The following MATCAP2 variants were observed in gnomAD, a reference collection of about 807,000 sequenced individuals.
MATCAP2 encodes microtubule associated tyrosine carboxypeptidase 2.
the MATCAP2 span, among the ~76,000 whole-genome samples, chr7:36,353,084 C>T: frequency 6.6e-6 from 1 of 152,036 alleles, no homozygotes; most frequent in Non-Finnish European, 1.5e-5. Context: ...GCCAAGACAG[C>T]ATAGTGAGAC....
chr7:36,347,185 T>C, the MATCAP2 span, among the ~76,000 whole-genome samples: 1 of 152,174 alleles, frequency 6.6e-6, no homozygotes, highest in Non-Finnish European at 1.5e-5. Flanking sequence ...TCGAATAGCA[T>C]AATTTAACAT....
At chr7:36,340,265 G>C in the MATCAP2 span, among the ~76,000 whole-genome samples, 37 of 152,232 alleles carry the variant, frequency 2.4e-4, no homozygotes, top group South Asian at 7.3e-3. Context: ...GTGGTTATCT[G>C]GTTATTTCTT....
At chr7:36,347,720 T>G in the MATCAP2 span, among the ~76,000 whole-genome samples, 1 of 152,230 alleles carries the variant, frequency 6.6e-6, no homozygotes, top group East Asian at 1.9e-4. Context: ...AATTTCAGAA[T>G]TTAAGGTAAT....
At chr7:36,333,097 G>A in the MATCAP2 span, among the ~76,000 whole-genome samples, 61,673 of 152,008 alleles carry the variant, frequency 0.41, 12,980 homozygotes, top group African/African-American at 0.49. Flanking sequence ...AGACTTAAAC[G>A]TTCCTGCCTG....
At chr7:36,368,803 A>G in the MATCAP2 span, among the ~76,000 whole-genome samples, 16 of 151,902 alleles carry the variant, frequency 1.1e-4, no homozygotes, top group Non-Finnish European at 1.8e-4. Context: ...TCCAGGCACT[A>G]TTTCACCTCA....
chr7:36,341,206 G>A, the MATCAP2 span, among the ~76,000 whole-genome samples: 1 of 152,050 alleles, frequency 6.6e-6, no homozygotes, highest in South Asian at 2.1e-4. Flanking sequence ...CCTGCACATG[G>A]GTAACACTTT....
At chr7:36,374,751 A>AT in the MATCAP2 span, among the ~76,000 whole-genome samples, 1 of 151,996 alleles carries the variant, frequency 6.6e-6, no homozygotes, top group African/African-American at 2.4e-5. Context: ...ACGTGTTCTC[A>AT]TTGTTCAATT....
At chr7:36,334,192 A>C in the MATCAP2 span, 2 of 1,516,906 alleles carry the variant, frequency 1.3e-6, no homozygotes, top group Non-Finnish European at 1.8e-6. Context: ...ATGAAGAAAA[A>C]GAAATGCCAT....
At chr7:36,378,754 C>T in the MATCAP2 span, among the ~76,000 whole-genome samples, 1 of 152,204 alleles carries the variant, frequency 6.6e-6, no homozygotes, top group Non-Finnish European at 1.5e-5. Context: ...GTGGGCTCCA[C>T]CCAGTTCGAG....
the MATCAP2 span, chr7:36,356,961 G>A: frequency 6.2e-7 from 1 of 1,614,206 alleles, no homozygotes; most frequent in Non-Finnish European, 8.5e-7. Context: ...GGCAGAGCAG[G>A]ATTGGCATAC....
chr7:36,374,028 TC>T, the MATCAP2 span, among the ~76,000 whole-genome samples: 2 of 152,116 alleles, frequency 1.3e-5, no homozygotes, highest in African/African-American at 4.8e-5. Context: ...TGCCTCAGCC[TC>T]CCAAAGTACT....
the MATCAP2 span, among the ~76,000 whole-genome samples, chr7:36,367,648 A>G: frequency 1.3e-5 from 2 of 152,216 alleles, no homozygotes; most frequent in Non-Finnish European, 2.9e-5. Context: ...ACCTCAGCAT[A>G]CTATCCTTAA....
the MATCAP2 span, among the ~76,000 whole-genome samples, chr7:36,375,521 G>A: frequency 3.3e-5 from 5 of 152,166 alleles, no homozygotes; most frequent in African/African-American, 1.2e-4. Flanking sequence ...TCGCATCAAT[G>A]TCGTCAGGGA....
the MATCAP2 span, chr7:36,389,663 A>C: frequency 4.5e-6 from 1 of 221,146 alleles, no homozygotes. Context: ...GAGAGCAGGA[A>C]GCGCCCCGCT....
At chr7:36,387,431 A>AT in the MATCAP2 span, among the ~76,000 whole-genome samples, 1 of 152,094 alleles carries the variant, frequency 6.6e-6, no homozygotes, top group African/African-American at 2.4e-5. Flanking sequence ...TTGTTTTCAA[A>AT]TTTTTTTATT....
chr7:36,355,008 G>C, the MATCAP2 span, among the ~76,000 whole-genome samples: 1 of 152,110 alleles, frequency 6.6e-6, no homozygotes, highest in African/African-American at 2.4e-5. Flanking sequence ...GTAGGGGTGG[G>C]GTAGGTCTCC....
At chr7:36,373,727 G>T in the MATCAP2 span, among the ~76,000 whole-genome samples, 2 of 152,094 alleles carry the variant, frequency 1.3e-5, no homozygotes, top group African/African-American at 2.4e-5. Flanking sequence ...TTACAGGAGT[G>T]AGCTACCACA....
the MATCAP2 span, among the ~76,000 whole-genome samples, chr7:36,327,290 C>T: frequency 6.6e-6 from 1 of 152,120 alleles, no homozygotes; most frequent in African/African-American, 2.4e-5. Flanking sequence ...AGGCGCCCGC[C>T]ACCACACCTG....
At chr7:36,358,997 C>A in the MATCAP2 span, among the ~76,000 whole-genome samples, 1 of 152,160 alleles carries the variant, frequency 6.6e-6, no homozygotes, top group Non-Finnish European at 1.5e-5. Context: ...CTGAACAAGA[C>A]TCCAGCTCAA....
Sources: gnomAD v4.1 joint callset for allele counts (sites outside exome capture counted in the v4.1 genomes callset) on GRCh38, gnomAD v4.1.1 for gene constraint, MANE v1.5 for transcripts, NCBI Gene and HGNC (gene_info 2026-07-23, HGNC 2026-07-21) for gene names.